Variants in SDF2 observed in about 807,000 individuals in gnomAD.
SDF2 encodes the protein stromal cell-derived factor 2.
A neutral mutation model predicts 20.5 loss-of-function variants in SDF2; 12 were observed. The ratio of observed to expected loss-of-function variants is 0.58; its 90% CI spans 0.37 to 0.95. The LOEUF (loss-of-function observed/expected upper bound fraction) is 0.95, where lower values mean the gene tolerates loss of function less well. Ranked by LOEUF, SDF2 falls within the 40% of genes least tolerant of loss-of-function variation. The pLI is 0.01. For synonymous variants in SDF2, 100 were observed against 101.0 expected (o/e 0.99, Z 0.06); for missense variants, 238 against 263.1 (o/e 0.90, Z 0.66).
At chr17:28,659,822 C>A (rs1252255470) in intron 1 of SDF2, among the ~76,000 whole-genome samples, 1 of 152,150 alleles carries the variant, frequency 6.6e-6, no homozygotes, top group African/African-American at 2.4e-5. Context: ...AGACGCTCCT[C>A]ACTTCCTAGA....
chr17:28,648,936 G>A lies in SDF2; in HGVS notation c.*53C>T. Reference sequence around the variant, plus strand: ...GTGGCAGGGATCCCAAGGTGAGGCAGCAACAGATGTCTGTGAACATTGTGC... The same window carrying A: ...GTGGCAGGGATCCCAAGGTGAGGCAACAACAGATGTCTGTGAACATTGTGC... On this transcript the variant is annotated 3_prime_UTR_variant, in exon 3 of 3. Coordinates refer to ENST00000247020, the MANE Select transcript of SDF2 (RefSeq NM_006923.4). 1 of 1,575,188 alleles carries A rather than the reference G, an allele frequency of 6.3e-7. No homozygotes were observed. Among genetic ancestry groups the A allele is most frequent in the South Asian group, 1.1e-5 (1 of 88,096 alleles).
chr17:28,654,228 G>A (rs895567884), intron 2 of SDF2, among the ~76,000 whole-genome samples: 9 of 152,098 alleles, frequency 5.9e-5, no homozygotes, highest in African/African-American at 1.9e-4. Flanking sequence ...CTTGAGCCCA[G>A]GAGGCTGAGG....
At chr17:28,651,828 A>G (rs1056495378) in intron 2 of SDF2, among the ~76,000 whole-genome samples, 2 of 152,120 alleles carry the variant, frequency 1.3e-5, no homozygotes, top group Non-Finnish European at 2.9e-5. Flanking sequence ...AATTGTTCCC[A>G]GGAGGGTACC....
At chr17:28,661,961 G>A, upstream of SDF2, 4 of 1,472,224 alleles carry the variant, frequency 2.7e-6, no homozygotes, top group Non-Finnish European at 3.7e-6. Context: ...ACCACGGAGA[G>A]AAGGAAGTGA....
At chr17:28,649,734 CA>C (rs1183683101) in intron 2 of SDF2, among the ~76,000 whole-genome samples, 68 of 61,236 alleles carry the variant, frequency 1.1e-3, no homozygotes, top group Admixed American at 1.2e-3. Context: ...AACTCTGTCT[CA>C]AAAAAAAAAA....
In SDF2 at chr17:28,661,763, G is replaced by A. The variant is rs142252046; in HGVS notation, c.114C>T (p.Asn38=). 6.8e-6 allele frequency: 11 copies of A among 1,613,940 alleles called. No individual in the cohort carries two copies. The African/African-American group carries it at 9.3e-5, about 14-fold the overall frequency. ...GCACGTCGTGTGAGTGCAGTCGGAC[G>A]TTGTGGCGCGTATTGAGTAGCTTCA... ...SVVKLLNTRH[N]VRLHSHDVRY... is the part of the protein sequence containing the mutation. Residue 38 remains asparagine, a synonymous_variant, in exon 1 of 3, where the codon AAC becomes AAT. Coordinates refer to ENST00000247020, the MANE Select transcript of SDF2 (RefSeq NM_006923.4).
chr17:28,658,537 T>A (rs905257174), intron 1 of SDF2, among the ~76,000 whole-genome samples: 1 of 152,210 alleles, frequency 6.6e-6, no homozygotes, highest in Non-Finnish European at 1.5e-5. Flanking sequence ...AACCCTGAGT[T>A]GACACAGCAC....
chr17:28,648,731 G>A lies in SDF2; in HGVS notation c.*258C>T. 2 of 537,772 alleles carry A rather than the reference G, an allele frequency of 3.7e-6. No homozygotes were observed. Among genetic ancestry groups the A allele is most frequent in the South Asian group, 4.6e-5 (2 of 43,894 alleles). The allele number at this position is 537,772 out of a possible 1,614,324, so 33.3% of individuals were successfully genotyped here. The stretch of plus-strand genomic sequence containing the variant: ...ATGTTTCCCTCAGTTTGTTTTATCA[G>A]TACTAATAAAAAGCATCTGCCCCTT... On this transcript the variant is annotated 3_prime_UTR_variant, in exon 3 of 3. Transcript: ENST00000247020.
At chr17:28,657,094 G>T (rs529112955) in intron 1 of SDF2, among the ~76,000 whole-genome samples, 1 of 152,088 alleles carries the variant, frequency 6.6e-6, no homozygotes, top group South Asian at 2.1e-4. Flanking sequence ...GGGCGTGGTC[G>T]CATGTGCCTG....
chr17:28,649,386 GC>G, intron 2 of SDF2, 110 bp from the exon 3 acceptor site: 1 of 1,040,170 alleles, frequency 9.6e-7, no homozygotes, highest in Non-Finnish European at 1.4e-6. Context: ...AATCAGAGGG[GC>G]CAGGCTTATG....
chr17:28,651,582 G>A (rs1397537701), intron 2 of SDF2: 1 of 152,174 alleles, frequency 6.6e-6, no homozygotes, highest in East Asian at 1.9e-4. Context: ...GAGCAACTGT[G>A]AGAATTAAAT....
chr17:28,661,691 T>C, intron 1 of SDF2, 35 bp downstream of exon 1: 1 of 1,598,702 alleles, frequency 6.3e-7, no homozygotes, highest in South Asian at 1.1e-5. Context: ...CTCCGAGTCC[T>C]CCCTAGCCCA....
chr17:28,648,898 G>A lies in SDF2; in HGVS notation c.*91C>T. The A allele has an allele frequency of 7.4e-7, 1 of 1,355,040 alleles. No homozygotes were observed. Among genetic ancestry groups the A allele is most frequent in the Non-Finnish European group, 1.0e-6 (1 of 966,236 alleles). 83.9% of individuals were successfully genotyped at this position (1,355,040 alleles called of 1,614,324 possible). A position where few individuals can be genotyped will look rare whatever the true frequency, so the allele number is the denominator to read the frequency against. ...TCATCTCAATGGTGACATGGCCACTGCCCAAGGAACTTGTGGCAGGGATCC... is the reference window on the plus strand; with the variant it reads ...TCATCTCAATGGTGACATGGCCACTACCCAAGGAACTTGTGGCAGGGATCC... On this transcript the variant is annotated 3_prime_UTR_variant, in exon 3 of 3. Transcript: ENST00000247020.
chr17:28,654,678 G>A (rs1274677190), intron 2 of SDF2, among the ~76,000 whole-genome samples: 1 of 152,170 alleles, frequency 6.6e-6, no homozygotes, highest in Non-Finnish European at 1.5e-5. Context: ...CAGGCCAGGC[G>A]CGGTGACTTG....
At position 28,659,180 on chromosome 17, in the gene SDF2, G is replaced by A. The variant is rs528096723; in HGVS notation, c.151+2546C>T. 2.5e-3 allele frequency among the ~76,000 whole-genome samples: 328 copies of A among 133,352 alleles called. 1 individual carries two copies. Among genetic ancestry groups the A allele is most frequent in the Non-Finnish European group, 3.6e-3 (228 of 62,502 alleles). 87.5% of individuals were successfully genotyped at this position (133,352 alleles called of 152,430 possible). A position where few individuals can be genotyped will look rare whatever the true frequency, so the allele number is the denominator to read the frequency against. ...TCACTTCCCAGACAGGGTGGCGGCC[G>A]GGCAGAGGCGCTCCTCACATCCCAG... is the stretch of plus-strand genomic sequence containing the variant. On this transcript the variant is annotated intron_variant, in intron 1 of 2. Transcript: ENST00000247020.
Position 28,655,462 on chromosome 17 carries a change from G to C in SDF2, c.173C>G (p.Thr58Arg). The C allele has an allele frequency of 6.2e-7, 1 of 1,605,484 alleles. No homozygotes were observed. Among genetic ancestry groups the C allele is most frequent in the South Asian group, 1.1e-5 (1 of 90,082 alleles). ...YGSGSGQQSV[T>R]GVTSVDDSNS... ...GCTGTCATCCACAGAGGTTACACCT[G>C]TCACTGACTGCTGCCCACTACCTGC... Residue 58 changes from threonine to arginine, a missense_variant, in exon 2 of 3, where the codon ACA (threonine) becomes AGA (arginine). Coordinates refer to ENST00000247020, the MANE Select transcript of SDF2 (RefSeq NM_006923.4).
intron 2 of SDF2, among the ~76,000 whole-genome samples, chr17:28,654,791 A>C (rs1301947108): frequency 6.7e-6 from 1 of 149,774 alleles, no homozygotes; most frequent in Non-Finnish European, 1.5e-5. Flanking sequence ...CTCTACTAAA[A>C]ATACAAAAAA....
intron 1 of SDF2, 186 bp from the exon 2 acceptor site, chr17:28,655,669 C>A (rs1318853333): frequency 1.6e-6 from 1 of 619,472 alleles, no homozygotes; most frequent in Non-Finnish European, 2.8e-6. Flanking sequence ...CCGCCCTCAG[C>A]CATGATGGCC....
chr17:28,661,707 G>T lies in SDF2; in HGVS notation c.151+19C>A. 6.2e-7 allele frequency: 1 copy of T among 1,603,850 alleles called. No homozygotes were observed. The highest frequency in any genetic ancestry group is 8.5e-7 in the Non-Finnish European group (1 of 1,171,720). ...TCCGAGTCCTCCCTAGCCCACCCGA[G>T]CCCGGTCCCCAGCATTACCTGACCC... On this transcript the variant is annotated intron_variant, in intron 1 of 2. Coordinates refer to ENST00000247020, the MANE Select transcript of SDF2 (RefSeq NM_006923.4).
Sources: allele counts gnomAD v4.1 joint callset (sites outside exome capture counted in the v4.1 genomes callset), GRCh38; gene constraint gnomAD v4.1.1; transcripts MANE v1.5; gene names NCBI Gene and HGNC (gene_info 2026-07-23, HGNC 2026-07-21).